The following DMD variants were observed in gnomAD, a reference collection of about 807,000 sequenced individuals.
DMD encodes mutant dystrophin.
Under a neutral mutation model 330.1 loss-of-function variants are expected in DMD, and 63 were observed. The observed-to-expected ratio is 0.19, with a 90% CI of 0.16 to 0.24. The LOEUF is 0.24. DMD is among the 10% of genes least tolerant of loss of function. The pLI, the probability that DMD is intolerant of heterozygous loss-of-function variation, is 1.00. For missense variants in DMD, 3,344 were observed against 2,684.1 expected, an observed-to-expected ratio of 1.25 and a Z score of -5.43; for synonymous variants, 1,223 against 959.8, an observed-to-expected ratio of 1.27 and a Z score of -5.07.
At chrX:32,357,430 C>A (rs1472620321) in intron 37 of DMD, among the ~76,000 whole-genome samples, 1 of 111,268 alleles carries the variant, frequency 9.0e-6, no homozygotes, top group East Asian at 2.8e-4. Flanking sequence ...GTCAGAAGCT[C>A]TGAGTGTGGG....
At chrX:31,950,323 A>G (rs7890334) in intron 45 of DMD, among the ~76,000 whole-genome samples, 4,820 of 111,540 alleles carry the variant, frequency 0.043, 277 homozygotes, top group African/African-American at 0.15. Flanking sequence ...TTGAATTCCA[A>G]TTTAATTCTG....
intron 50 of DMD, among the ~76,000 whole-genome samples, chrX:31,790,116 A>AT (rs922285146): frequency 8.9e-6 from 1 of 111,942 alleles, no homozygotes; most frequent in African/African-American, 3.2e-5. Context: ...AATCATTGTG[A>AT]TTTTAACACC....
chrX:33,128,632 T>A (rs999945657), intron 1 of DMD, among the ~76,000 whole-genome samples: 1 of 112,024 alleles, frequency 8.9e-6, no homozygotes, highest in African/African-American at 3.2e-5. Context: ...TGTATTTTTG[T>A]CTGGTATTCA....
At chrX:31,509,463 T>A (rs2071269946) in intron 55 of DMD, among the ~76,000 whole-genome samples, 1 of 106,162 alleles carries the variant, frequency 9.4e-6, no homozygotes, top group African/African-American at 3.6e-5. Context: ...ACTTAGGGGA[T>A]TAAAGACAAA....
intron 1 of DMD, among the ~76,000 whole-genome samples, chrX:33,182,422 T>C (rs1355873183): frequency 1.8e-5 from 2 of 110,628 alleles, no homozygotes; most frequent in South Asian, 7.8e-4. Flanking sequence ...GTTGTCACTA[T>C]GCCTGGCTCA....
intron 43 of DMD, among the ~76,000 whole-genome samples, chrX:32,226,482 T>C (rs2097148051): frequency 8.9e-6 from 1 of 112,034 alleles, no homozygotes; most frequent in Admixed American, 9.5e-5. Flanking sequence ...TTTGTTCCAG[T>C]ACACTATGTA....
At chrX:32,135,591 C>T (rs1488601738) in intron 44 of DMD, among the ~76,000 whole-genome samples, 10 of 111,436 alleles carry the variant, frequency 9.0e-5, no homozygotes, top group East Asian at 8.5e-4. Flanking sequence ...GGCATGGTGG[C>T]GTGCGCCAGT....
At chrX:32,088,698 G>T (rs1023676522) in intron 44 of DMD, among the ~76,000 whole-genome samples, 1 of 109,247 alleles carries the variant, frequency 9.2e-6, no homozygotes, top group Non-Finnish European at 1.9e-5. Context: ...GTGTGTGTGT[G>T]TGTGTGTGTG....
chrX:32,918,756 A>C (rs2088094190), intron 2 of DMD, among the ~76,000 whole-genome samples: 1 of 112,654 alleles, frequency 8.9e-6, no homozygotes, highest in African/African-American at 3.2e-5. Flanking sequence ...TTTCCAGCAT[A>C]GGATACACAC....
chrX:32,130,347 G>A (rs912523205), intron 44 of DMD, among the ~76,000 whole-genome samples: 1 of 110,955 alleles, frequency 9.0e-6, no homozygotes, highest in Admixed American at 9.6e-5. Flanking sequence ...AATTATCAAT[G>A]GATAAAATTT....
chrX:33,077,775 C>A (rs2094868054), intron 1 of DMD, among the ~76,000 whole-genome samples: 1 of 111,786 alleles, frequency 8.9e-6, no homozygotes, highest in African/African-American at 3.3e-5. Context: ...TTCTAACCCA[C>A]AAACAATTTA....
At chrX:31,164,790 C>T (rs1235634184) in intron 74 of DMD, among the ~76,000 whole-genome samples, 1 of 111,175 alleles carries the variant, frequency 9.0e-6, no homozygotes, top group Admixed American at 9.6e-5. Flanking sequence ...GAGTTGCTCC[C>T]TAGACTAGGC....
intron 9 of DMD, among the ~76,000 whole-genome samples, chrX:32,648,621 A>G (rs1241836065): frequency 1.8e-5 from 2 of 112,023 alleles, no homozygotes; most frequent in Non-Finnish European, 3.8e-5. Flanking sequence ...AAAATTGGAA[A>G]TGGCTCTAGA....
intron 44 of DMD, among the ~76,000 whole-genome samples, chrX:32,091,935 T>C (rs2096477982): frequency 9.0e-6 from 1 of 111,441 alleles, no homozygotes; most frequent in Non-Finnish European, 1.9e-5. Context: ...TTTATCAGAT[T>C]GTCTAAGAAA....
Position 32,673,950 on chromosome X carries a change from G to T in DMD, c.960+23920C>A, listed in dbSNP as rs149841089. Among the ~76,000 whole-genome samples, 894 of 111,519 alleles carry T rather than the reference G, an allele frequency of 8.0e-3. 7 individuals carry two copies. The highest frequency in any genetic ancestry group is 0.028 in the African/African-American group (856 of 30,765). ...AAATCTGATTGCCAAAGAAACCCCA[G>T]GTCTAACTAAAAACACCTTGTTATC... On this transcript the variant is annotated intron_variant, in intron 9 of 78. Transcript: ENST00000357033.
intron 43 of DMD, among the ~76,000 whole-genome samples, chrX:32,231,895 CAAAG>C (rs770469759): frequency 3.7e-5 from 4 of 108,888 alleles, no homozygotes; most frequent in South Asian, 7.5e-4. Context: ...AATAATTTTC[CAAAG>C]AAAGAAAAAA....
intron 44 of DMD, chrX:32,206,004 CA>C: frequency 4.2e-6 from 2 of 477,783 alleles, no homozygotes. Context: ...TGAAATTGAG[CA>C]ACAGTTATCT....
chrX:32,757,717 T>G (rs2071684915), intron 7 of DMD, among the ~76,000 whole-genome samples: 1 of 112,270 alleles, frequency 8.9e-6, no homozygotes, highest in African/African-American at 3.2e-5. Flanking sequence ...CCCAGCCATG[T>G]AGAACTATGA....
At chrX:31,482,283 T>A (rs1297694239) in intron 57 of DMD, among the ~76,000 whole-genome samples, 1 of 108,917 alleles carries the variant, frequency 9.2e-6, no homozygotes, top group African/African-American at 3.4e-5. Context: ...GACTGTGATA[T>A]GCTCAGCTTG....
Sources: allele counts gnomAD v4.1 joint callset (sites outside exome capture counted in the v4.1 genomes callset), GRCh38; gene constraint gnomAD v4.1.1; transcripts MANE v1.5; gene names NCBI Gene and HGNC (gene_info 2026-07-23, HGNC 2026-07-21).